NYAP2: variants seen among roughly 807,000 people sequenced by gnomAD.
The protein encoded by NYAP2 is neuronal tyrosine-phosphorylated phosphoinositide-3-kinase adaptor 2.
NYAP2 carries 23 observed loss-of-function variants against 50.4 expected under a neutral mutation model. The ratio of observed to expected loss-of-function variants is 0.46; its 90% CI spans 0.33 to 0.65. The LOEUF is 0.65. Among genes scored for constraint, NYAP2 ranks in the 30% least tolerant of loss-of-function variants. The probability of loss-of-function intolerance (pLI) is 0.02; values close to 1 mark genes in which losing one functional copy is unlikely to be tolerated. For missense variants in NYAP2, 885 were observed against 861.0 expected (o/e 1.03, Z -0.35); for synonymous variants, 394 against 365.2 (o/e 1.08, Z -0.90).
intron 3 of NYAP2, among the ~76,000 whole-genome samples, chr2:225,500,364 G>A (rs994522350): frequency 6.6e-6 from 1 of 152,140 alleles, no homozygotes; most frequent in African/African-American, 2.4e-5. Flanking sequence ...ATGAAACAGT[G>A]TTTTATTTTG....
chr2:225,437,202 G>A (rs1689393192), intron 3 of NYAP2, among the ~76,000 whole-genome samples: 2 of 152,066 alleles, frequency 1.3e-5, no homozygotes, highest in East Asian at 3.9e-4. Context: ...CTGGACTGGA[G>A]CACGGGCACA....
intron 4 of NYAP2, among the ~76,000 whole-genome samples, chr2:225,557,743 T>A (rs989228957): frequency 5.9e-5 from 9 of 152,148 alleles, no homozygotes; most frequent in African/African-American, 1.7e-4. Flanking sequence ...TTTATTTCAT[T>A]TTTCTCCCTG....
intron 4 of NYAP2, among the ~76,000 whole-genome samples, chr2:225,520,194 T>A (rs1691021986): frequency 6.6e-6 from 1 of 152,214 alleles, no homozygotes; most frequent in South Asian, 2.1e-4. Context: ...ATGAGTAGGT[T>A]GCAAAAATTT....
intron 5 of NYAP2, among the ~76,000 whole-genome samples, chr2:225,613,123 A>G (rs886367590): frequency 3.3e-5 from 5 of 152,190 alleles, no homozygotes; most frequent in African/African-American, 4.8e-5. Flanking sequence ...CTGAGGAGCA[A>G]AGAAACCAGT....
intron 3 of NYAP2, among the ~76,000 whole-genome samples, chr2:225,505,864 C>T (rs1432221726): frequency 6.6e-6 from 1 of 152,124 alleles, no homozygotes; most frequent in Non-Finnish European, 1.5e-5. Flanking sequence ...GACCTGGTCC[C>T]ACTTATTTTC....
rs150723736 is a variant in NYAP2 at position 225,470,231 on chromosome 2, A to G, written c.222-43140A>G. Among the ~76,000 whole-genome samples the G allele has an allele frequency of 1.3e-3, 195 of 152,270 alleles. 1 individual carries two copies. The highest frequency in any genetic ancestry group is 4.4e-3 in the African/African-American group (183 of 41,552). ...ATTTTTTTTGTGCCTAAAGTAAAAG[A>G]CTTGATAAGCCTCTTCCCTTGAAAC... On this transcript the variant is annotated intron_variant, in intron 3 of 6. Coordinates refer to ENST00000636099, the Ensembl canonical transcript of NYAP2.
At chr2:225,441,300 A>G (rs1689467181) in intron 3 of NYAP2, among the ~76,000 whole-genome samples, 1 of 152,218 alleles carries the variant, frequency 6.6e-6, no homozygotes, top group African/African-American at 2.4e-5. Context: ...GCTGTCTTTA[A>G]TATGATAAAC....
At chr2:225,651,741 T>A (rs1693736233) in exon 7 of NYAP2, 1 of 695,600 alleles carries the variant, frequency 1.4e-6, no homozygotes, top group Admixed American at 2.9e-5. Context: ...TTGTGATTGG[T>A]GGTGAAACTT....
chr2:225,527,649 A>G (rs918590839), intron 4 of NYAP2, among the ~76,000 whole-genome samples: 3 of 152,044 alleles, frequency 2.0e-5, no homozygotes, highest in East Asian at 3.9e-4. Context: ...AATCTACTTT[A>G]TTATTATTAT....
intron 3 of NYAP2, among the ~76,000 whole-genome samples, chr2:225,427,304 A>G (rs1336117640): frequency 1.3e-5 from 2 of 152,210 alleles, no homozygotes; most frequent in African/African-American, 4.8e-5. Flanking sequence ...TGTGATACTA[A>G]GTGAGATACA....
At chr2:225,505,780 T>TTGATATACC (rs1299370589) in intron 3 of NYAP2, among the ~76,000 whole-genome samples, 1 of 152,206 alleles carries the variant, frequency 6.6e-6, no homozygotes, top group Non-Finnish European at 1.5e-5. Context: ...AATTTAGTAG[T>TTGATATACC]TGATATACCT....
the NYAP2 span, among the ~76,000 whole-genome samples, chr2:225,685,965 G>T: frequency 6.6e-6 from 1 of 151,988 alleles, no homozygotes; most frequent in Non-Finnish European, 1.5e-5. Flanking sequence ...TCTTTTTCAT[G>T]CAATATTATG....
At chr2:225,530,564 G>GTT (rs1484505791) in intron 4 of NYAP2, among the ~76,000 whole-genome samples, 4 of 151,928 alleles carry the variant, frequency 2.6e-5, no homozygotes, top group Non-Finnish European at 5.9e-5. Context: ...TACTCTATTT[G>GTT]TCTCCTTGAG....
At chr2:225,459,623 T>C (rs1689792562) in intron 3 of NYAP2, among the ~76,000 whole-genome samples, 1 of 151,476 alleles carries the variant, frequency 6.6e-6, no homozygotes, top group East Asian at 1.9e-4. Flanking sequence ...TTTTCCTCTA[T>C]TTATTTATTT....
At chr2:225,607,380 G>A (rs566046205) in intron 5 of NYAP2, among the ~76,000 whole-genome samples, 7 of 152,186 alleles carry the variant, frequency 4.6e-5, no homozygotes, top group African/African-American at 1.7e-4. Context: ...CTATGATGGG[G>A]GCAGTGGAAA....
At chr2:225,627,244 C>T (rs911900554) in intron 6 of NYAP2, 118 bp downstream of exon 6, 4 of 741,960 alleles carry the variant, frequency 5.4e-6, no homozygotes, top group Admixed American at 4.5e-5. Flanking sequence ...CAGAGAGGCA[C>T]CACAAGTAAC....
At chr2:225,634,835 G>A (rs1402510602) in intron 6 of NYAP2, among the ~76,000 whole-genome samples, 1 of 152,166 alleles carries the variant, frequency 6.6e-6, no homozygotes, top group East Asian at 1.9e-4. Flanking sequence ...ACCTTGAGAG[G>A]TTATTCAAAG....
At chr2:225,532,239 A>G (rs1256910656) in intron 4 of NYAP2, among the ~76,000 whole-genome samples, 1 of 152,060 alleles carries the variant, frequency 6.6e-6, no homozygotes, top group Non-Finnish European at 1.5e-5. Flanking sequence ...TCTTCACCCT[A>G]CCTTACAGTG....
intron 4 of NYAP2, among the ~76,000 whole-genome samples, chr2:225,514,524 G>A (rs998313099): frequency 5.3e-5 from 8 of 152,108 alleles, no homozygotes; most frequent in African/African-American, 1.7e-4. Context: ...GCAGACTGCC[G>A]ACTTCTCCTT....
Sources: gnomAD v4.1 joint callset for allele counts (sites outside exome capture counted in the v4.1 genomes callset) on GRCh38, gnomAD v4.1.1 for gene constraint, MANE v1.5 for transcripts, NCBI Gene and HGNC (gene_info 2026-07-23, HGNC 2026-07-21) for gene names.